MCUB: variants seen among roughly 807,000 people sequenced by gnomAD.
The protein encoded by MCUB is calcium uniporter regulatory subunit MCUb, mitochondrial.
Under a neutral mutation model 41.4 loss-of-function variants are expected in MCUB, and 46 were observed. The observed-to-expected ratio is 1.11, with a 90% CI of 0.88 to 1.42. The LOEUF (loss-of-function observed/expected upper bound fraction) is 1.42. MCUB is among the 40% of genes most tolerant of loss of function. The pLI is 0.00. For missense variants in MCUB, 403 were observed against 404.9 expected (o/e 1.00, Z 0.04); for synonymous variants, 148 against 148.2 (o/e 1.00, Z 0.01).
At chr4:109,673,370 C>G (rs1182080564) in intron 4 of MCUB, among the ~76,000 whole-genome samples, 2 of 152,204 alleles carry the variant, frequency 1.3e-5, no homozygotes, top group Non-Finnish European at 2.9e-5. Flanking sequence ...CCTCCGCACT[C>G]CTGCCCACTC....
chr4:109,576,746 GGGAT>G (rs1450208181), intron 1 of MCUB, among the ~76,000 whole-genome samples: 1 of 152,194 alleles, frequency 6.6e-6, no homozygotes, highest in Non-Finnish European at 1.5e-5. Context: ...GGAACCACTA[GGGAT>G]GGTGTACTAA....
chr4:109,622,444 C>T (rs929141020), intron 1 of MCUB, among the ~76,000 whole-genome samples: 1 of 151,878 alleles, frequency 6.6e-6, no homozygotes, highest in Admixed American at 6.6e-5. Flanking sequence ...ATTTATTGGC[C>T]AAGAGATTTC....
intron 4 of MCUB, among the ~76,000 whole-genome samples, chr4:109,676,942 A>G (rs192853557): frequency 6.6e-6 from 1 of 152,356 alleles, no homozygotes; most frequent in African/African-American, 2.4e-5. Flanking sequence ...CCCCTTGAGA[A>G]TCCAGAACTT....
Position 109,681,795 on chromosome 4 carries a change from A to T in MCUB, c.452-787A>T, listed in dbSNP as rs117970108. 7.5e-3 allele frequency among the ~76,000 whole-genome samples: 1,131 copies of T among 151,064 alleles called. 27 individuals carry two copies. The highest frequency in any genetic ancestry group is 0.059 in the South Asian group (287 of 4,828). ...AATGTAAGTCAGCAGCGAGTCTGCT[A>T]CGGCGGCAAAACAGCAGTGGTGGAC... On this transcript the variant is annotated intron_variant, in intron 4 of 7. Coordinates refer to ENST00000394650, the MANE Select transcript of MCUB (RefSeq NM_017918.5).
intron 1 of MCUB, among the ~76,000 whole-genome samples, chr4:109,622,251 CT>C (rs1561230650): frequency 6.6e-6 from 1 of 152,160 alleles, no homozygotes; most frequent in African/African-American, 2.4e-5. Flanking sequence ...GTAAAAAGAA[CT>C]TGAAGAATCA....
At chr4:109,562,892 A>C (rs1016610947) in intron 1 of MCUB, among the ~76,000 whole-genome samples, 2 of 148,732 alleles carry the variant, frequency 1.3e-5, no homozygotes, top group Non-Finnish European at 2.9e-5. Context: ...AAAAAAAAAC[A>C]GTTTGTTGAC....
At chr4:109,596,886 G>A (rs1481079332) in intron 1 of MCUB, among the ~76,000 whole-genome samples, 1 of 151,614 alleles carries the variant, frequency 6.6e-6, no homozygotes, top group Non-Finnish European at 1.5e-5. Flanking sequence ...GCGGCCTTCC[G>A]CAGTGTTTGT....
At chr4:109,639,815 C>T (rs1464901521) in intron 1 of MCUB, among the ~76,000 whole-genome samples, 4 of 152,118 alleles carry the variant, frequency 2.6e-5, no homozygotes, top group African/African-American at 4.8e-5. Flanking sequence ...TTAGGATTTT[C>T]GGAATGGTTA....
At chr4:109,648,715 ACAG>A (rs1728892355) in intron 1 of MCUB, 1 of 297,586 alleles carries the variant, frequency 3.4e-6, no homozygotes. Context: ...TTTTTTTGGT[ACAG>A]AGAAGCAAAA....
intron 1 of MCUB, among the ~76,000 whole-genome samples, chr4:109,624,165 C>G (rs1442291021): frequency 6.6e-6 from 1 of 152,168 alleles, no homozygotes; most frequent in East Asian, 1.9e-4. Flanking sequence ...ATTCAAGATT[C>G]TTCTGATCTT....
At chr4:109,665,829 A>G (rs949461787) in intron 4 of MCUB, among the ~76,000 whole-genome samples, 3 of 151,908 alleles carry the variant, frequency 2.0e-5, no homozygotes, top group African/African-American at 7.3e-5. Context: ...GTGGGGGCGC[A>G]TGGTAGTAGG....
chr4:109,596,879 G>A (rs1427943280), intron 1 of MCUB, among the ~76,000 whole-genome samples: 1 of 151,618 alleles, frequency 6.6e-6, no homozygotes, highest in Admixed American at 6.6e-5. Context: ...GGACCCTGCG[G>A]CCTTCCGCAG....
intron 1 of MCUB, among the ~76,000 whole-genome samples, chr4:109,617,640 A>T (rs1418717626): frequency 2.0e-5 from 3 of 152,208 alleles, no homozygotes; most frequent in African/African-American, 7.2e-5. Flanking sequence ...TATTTTCTTG[A>T]AAGCAATTGT....
chr4:109,598,582 CGTGGAAACAGAGGGAGAGGGAGACG>C (rs376574266), intron 1 of MCUB, among the ~76,000 whole-genome samples: 8,916 of 151,882 alleles, frequency 0.059, 316 homozygotes, highest in East Asian at 0.094. Flanking sequence ...AGAGGGAGAC[CGTGGAAACAGAGGGAGAGGGAGACG>C]GTGGGGAGAC....
intron 4 of MCUB, among the ~76,000 whole-genome samples, chr4:109,665,522 G>A (rs1267865250): frequency 6.6e-6 from 1 of 152,054 alleles, no homozygotes; most frequent in East Asian, 1.9e-4. Flanking sequence ...GGATGCTCAA[G>A]GCCCTGATAC....
chr4:109,635,149 T>A (rs1317879585), intron 1 of MCUB, among the ~76,000 whole-genome samples: 6 of 152,234 alleles, frequency 3.9e-5, no homozygotes, highest in Non-Finnish European at 7.3e-5. Context: ...TTTTTATTGC[T>A]GCATAGTATT....
At chr4:109,611,943 C>G (rs1219202437) in intron 1 of MCUB, among the ~76,000 whole-genome samples, 2 of 152,192 alleles carry the variant, frequency 1.3e-5, no homozygotes, top group African/African-American at 4.8e-5. Context: ...CTCTTGATCT[C>G]CTCGACTAGA....
At chr4:109,608,652 A>G (rs1210741428) in intron 1 of MCUB, among the ~76,000 whole-genome samples, 1 of 151,502 alleles carries the variant, frequency 6.6e-6, no homozygotes, top group Non-Finnish European at 1.5e-5. Context: ...ACATCCAGCT[A>G]CTTTTTGTAT....
chr4:109,653,347 C>T (rs1168894342), intron 1 of MCUB, among the ~76,000 whole-genome samples: 1 of 151,694 alleles, frequency 6.6e-6, no homozygotes, highest in Admixed American at 6.6e-5. Context: ...CCACTGCACT[C>T]CAGCCTGGGG....
Sources: gnomAD v4.1 joint callset for allele counts (sites outside exome capture counted in the v4.1 genomes callset) on GRCh38, gnomAD v4.1.1 for gene constraint, MANE v1.5 for transcripts, NCBI Gene and HGNC (gene_info 2026-07-23, HGNC 2026-07-21) for gene names.